The following STRN variants were observed in gnomAD, a reference collection of about 807,000 sequenced individuals.
STRN encodes protein phosphatase 2 regulatory subunit B'''alpha.
A neutral mutation model predicts 96.3 loss-of-function variants in STRN; 53 were observed. The ratio of observed to expected loss-of-function variants is 0.55; its 90% CI spans 0.44 to 0.69. STRN has a LOEUF of 0.69. Ranked by LOEUF, STRN falls within the 30% of genes least tolerant of loss-of-function variation. STRN has a pLI of 0.00. For missense variants in STRN, 987 were observed against 963.9 expected, an observed-to-expected ratio of 1.02 and a Z score of -0.32; for synonymous variants, 428 against 355.9, an observed-to-expected ratio of 1.20 and a Z score of -2.28.
chr2:36,911,214 G>A (rs879873016), intron 3 of STRN, among the ~76,000 whole-genome samples: 6 of 152,082 alleles, frequency 3.9e-5, no homozygotes, highest in Non-Finnish European at 8.8e-5. Flanking sequence ...TATGCATGTA[G>A]GAGATCCACT....
At chr2:36,888,056 T>C (rs1305356219) in intron 7 of STRN, among the ~76,000 whole-genome samples, 1 of 152,150 alleles carries the variant, frequency 6.6e-6, no homozygotes, top group Admixed American at 6.5e-5. Flanking sequence ...TTCCCCACCT[T>C]ATTTGATGAC....
intron 13 of STRN, among the ~76,000 whole-genome samples, chr2:36,860,530 C>T (rs1411044665): frequency 6.6e-6 from 1 of 152,164 alleles, no homozygotes; most frequent in East Asian, 1.9e-4. Context: ...CTTCAAACTA[C>T]TCTAGAACTT....
chr2:36,907,988 T>TA (rs1035242693), intron 3 of STRN, among the ~76,000 whole-genome samples: 12 of 150,984 alleles, frequency 7.9e-5, no homozygotes, highest in South Asian at 2.1e-4. Flanking sequence ...GAAAATAAAT[T>TA]AAAAAAAATA....
chr2:36,862,578 C>T (rs1668517194), intron 12 of STRN, among the ~76,000 whole-genome samples: 1 of 151,994 alleles, frequency 6.6e-6, no homozygotes, highest in Admixed American at 6.6e-5. Flanking sequence ...TGTTCTTTGC[C>T]CACTTTTTAA....
intron 1 of STRN, among the ~76,000 whole-genome samples, chr2:36,956,184 T>C (rs956886496): frequency 3.9e-5 from 6 of 152,214 alleles, no homozygotes; most frequent in Non-Finnish European, 7.3e-5. Flanking sequence ...GCTTCTACAA[T>C]AGGACTTATA....
In STRN at chr2:36,848,534, T is replaced by G. The variant is rs929084519; in HGVS notation, c.*922A>C. On this transcript the variant is annotated 3_prime_UTR_variant, in exon 18 of 18. Transcript: ENST00000263918. The stretch of plus-strand genomic sequence containing the variant: ...GATTATTAGCAAATAAATTCTATCT[T>G]TTCAGTCACTGAAAAGTAAGATTTC... 1 of 152,216 alleles carries G rather than the reference T, an allele frequency of 6.6e-6. No individual in the cohort carries two copies. The highest frequency in any genetic ancestry group is 1.5e-5 in the Non-Finnish European group (1 of 68,038). 9.4% of individuals were successfully genotyped at this position (152,216 alleles called of 1,614,324 possible). A position where few individuals can be genotyped will look rare whatever the true frequency, so the allele number is the denominator to read the frequency against.
At chr2:36,917,538 G>GAAAAAAAAAAAAAAAAA (rs576754026) in intron 2 of STRN, among the ~76,000 whole-genome samples, 3 of 88,622 alleles carry the variant, frequency 3.4e-5, no homozygotes, top group Admixed American at 1.3e-4. Context: ...ACAAAAAAAA[G>GAAAAAAAAAAAAAAAAA]AAAAAAAAAA....
At chr2:36,913,884 AT>A (rs1354754143) in intron 3 of STRN, among the ~76,000 whole-genome samples, 4 of 152,218 alleles carry the variant, frequency 2.6e-5, no homozygotes, top group Admixed American at 6.5e-5. Context: ...ATTAAGTAGG[AT>A]CACGGAAATT....
At chr2:36,911,279 T>C (rs1669959547) in intron 3 of STRN, among the ~76,000 whole-genome samples, 1 of 152,234 alleles carries the variant, frequency 6.6e-6, no homozygotes, top group Non-Finnish European at 1.5e-5. Flanking sequence ...GGTCTTATCA[T>C]CATGAACAAC....
At chr2:36,865,368 T>G (rs1374538904) in intron 12 of STRN, among the ~76,000 whole-genome samples, 2 of 152,194 alleles carry the variant, frequency 1.3e-5, no homozygotes, top group African/African-American at 4.8e-5. Flanking sequence ...TTCTCTTTTT[T>G]TCTTTATTAG....
At chr2:36,864,128 C>A (rs1227859142) in intron 12 of STRN, among the ~76,000 whole-genome samples, 2 of 152,116 alleles carry the variant, frequency 1.3e-5, no homozygotes, top group Non-Finnish European at 2.9e-5. Flanking sequence ...TGCCTTTCTT[C>A]CTATTTGAAT....
At chr2:36,861,753 ACACACACACAC>A (rs1005006109) in intron 12 of STRN, among the ~76,000 whole-genome samples, 4 of 148,118 alleles carry the variant, frequency 2.7e-5, no homozygotes, top group African/African-American at 1.0e-4. Context: ...ACACACACAC[ACACACACACAC>A]TTCTCACAAA....
Position 36,905,624 on chromosome 2 carries a change from A to C in STRN, c.413-6T>G. The C allele has an allele frequency of 6.2e-7, 1 of 1,612,370 alleles. No individual in the cohort carries two copies. Among genetic ancestry groups the C allele is most frequent in the Non-Finnish European group, 8.5e-7 (1 of 1,179,642 alleles). ...TTCTGTTTCATTACCTTCATCTAGA[A>C]AACATTAAGTCATAATAAAACTGAC... On this transcript the variant is annotated splice_polypyrimidine_tract_variant and splice_region_variant and intron_variant, in intron 3 of 17. Coordinates refer to ENST00000263918, the MANE Select transcript of STRN (RefSeq NM_003162.4).
chr2:36,872,104 A>G (rs1572636419), intron 10 of STRN, among the ~76,000 whole-genome samples: 1 of 152,172 alleles, frequency 6.6e-6, no homozygotes, highest in Non-Finnish European at 1.5e-5. Flanking sequence ...AGATGGCCCC[A>G]ATCAGCCCCA....
Position 36,846,387 on chromosome 2 carries a change from T to TTTTATATATATATATATA in STRN, c.*3068_*3069insTATATATATATATATAAA, listed in dbSNP as rs1314756009. 5 of 78,342 alleles carry TTTTATATATATATATATA rather than the reference T, an allele frequency of 6.4e-5. No individual in the cohort carries two copies. The highest frequency in any genetic ancestry group is 1.1e-4 in the Non-Finnish European group (5 of 46,196). The allele number at this position is 78,342 out of a possible 1,614,324, so 4.9% of individuals were successfully genotyped here. On this transcript the variant is annotated 3_prime_UTR_variant, in exon 18 of 18. Coordinates refer to ENST00000263918, the MANE Select transcript of STRN (RefSeq NM_003162.4). ...CAAAACAGTAAAATGCACCTATGGT[T>TTTTATATATATATATATA]TATATATATATATATATATATATAT... is the stretch of plus-strand genomic sequence containing the variant.
rs570727076 is a variant in STRN, at chr2:36,945,327, C to T, written c.235-20119G>A. On this transcript the variant is annotated intron_variant, in intron 1 of 17. Coordinates refer to ENST00000263918, the MANE Select transcript of STRN (RefSeq NM_003162.4). The stretch of plus-strand genomic sequence containing the variant: ...AACTAGGAGAACTTAATTCTCTGTA[C>T]CTGAGTTCAAAATAACATTATCAAA... Among the ~76,000 whole-genome samples, 239 of 152,252 alleles carry T rather than the reference C, an allele frequency of 1.6e-3. 1 individual carries two copies. Among genetic ancestry groups the T allele is most frequent in the Non-Finnish European group, 2.8e-3 (192 of 68,024 alleles).
intron 7 of STRN, among the ~76,000 whole-genome samples, chr2:36,887,856 C>A (rs1043579003): frequency 6.6e-6 from 1 of 152,100 alleles, no homozygotes. Context: ...TTTATATTTA[C>A]TATAAAACAA....
rs200352248 is a variant in STRN, at chr2:36,857,986, C to T, written c.1707G>A (p.Thr569=). 182 of 1,611,746 alleles carry T rather than the reference C, an allele frequency of 1.1e-4. 1 individual carries two copies. In the South Asian group the frequency reaches 1.7e-3, roughly 15 times the overall value. Residue 569 remains threonine, a synonymous_variant, in exon 14 of 18, where the codon ACG becomes ACA. Transcript: ENST00000263918. ...TATAAGCCAAACCCCAGACTGCATC[C>T]GTGTGGCCTAGCAGAGGGCCTCGTA... is the stretch of plus-strand genomic sequence containing the variant. The part of the protein sequence containing the change: ...SVLRGPLLGH[T]DAVWGLAYSA...
intron 7 of STRN, among the ~76,000 whole-genome samples, chr2:36,891,385 G>A (rs141025609): frequency 0.028 from 4,261 of 152,220 alleles, 93 homozygotes; most frequent in African/African-American, 0.065. Flanking sequence ...AAATAGCCGG[G>A]CGTGGTGGCA....
Sources: allele counts gnomAD v4.1 joint callset (sites outside exome capture counted in the v4.1 genomes callset), GRCh38; gene constraint gnomAD v4.1.1; transcripts MANE v1.5; gene names NCBI Gene and HGNC (gene_info 2026-07-23, HGNC 2026-07-21).